LRP1B: variants seen among roughly 807,000 people sequenced by gnomAD.
The protein encoded by LRP1B is LDL receptor related protein 1B, also known as low-density lipoprotein receptor-related protein 1B.
In LRP1B, 217 loss-of-function variants were observed where a neutral mutation model predicts 556.6. The ratio of observed to expected loss-of-function variants is 0.39; its 90% CI spans 0.35 to 0.44. The LOEUF is 0.44. LRP1B is among the 20% of genes least tolerant of loss of function. The probability of loss-of-function intolerance (pLI) is 1.00; values close to 1 mark genes in which losing one functional copy is unlikely to be tolerated. For missense variants in LRP1B, 5,053 were observed against 5,620.8 expected (o/e 0.90, Z 3.23); for synonymous variants, 2,047 against 1,865.8 (o/e 1.10, Z -2.50).
intron 2 of LRP1B, among the ~76,000 whole-genome samples, chr2:141,687,870 T>C (rs1691368545): frequency 6.6e-6 from 1 of 151,436 alleles, no homozygotes; most frequent in South Asian, 2.1e-4. Context: ...AAAGCATAGT[T>C]AGTAAATGAT....
chr2:141,874,923 A>G (rs1327000322), intron 1 of LRP1B, among the ~76,000 whole-genome samples: 1 of 151,910 alleles, frequency 6.6e-6, no homozygotes, highest in Non-Finnish European at 1.5e-5. Context: ...AAAGGCAAGT[A>G]AAAATTTAAT....
chr2:140,652,644 A>G (rs1476334510), intron 41 of LRP1B, among the ~76,000 whole-genome samples: 2 of 152,078 alleles, frequency 1.3e-5, no homozygotes, highest in Non-Finnish European at 2.9e-5. Flanking sequence ...GACAAAGATT[A>G]GAAAAGAAAA....
intron 2 of LRP1B, among the ~76,000 whole-genome samples, chr2:141,483,041 T>C (rs11890703): frequency 0.9 from 134,284 of 149,358 alleles, 61,155 homozygotes; most frequent in East Asian, 1. Context: ...TATACATGTG[T>C]CATGTTGGTG....
At chr2:141,874,084 ATTTTTTTTTTTTTTTTT>A (rs200281267) in intron 1 of LRP1B, among the ~76,000 whole-genome samples, 24,819 of 104,192 alleles carry the variant, frequency 0.24, 2,804 homozygotes, top group East Asian at 0.43. Flanking sequence ...TGAACTAACA[ATTTTTTTTTTTTTTTTT>A]TTTTTTTTTT....
intron 1 of LRP1B, among the ~76,000 whole-genome samples, chr2:141,964,381 TG>T (rs1701495067): frequency 6.8e-6 from 1 of 147,050 alleles, no homozygotes; most frequent in Non-Finnish European, 1.5e-5. Flanking sequence ...AGCATGGTAC[TG>T]GTACCAAAAC....
At chr2:141,076,207 G>A (rs1304571961) in intron 7 of LRP1B, among the ~76,000 whole-genome samples, 8 of 152,134 alleles carry the variant, frequency 5.3e-5, no homozygotes, top group South Asian at 4.1e-4. Context: ...AATGAAGCTG[G>A]TGAAGGGAAA....
rs150233723 is a variant in LRP1B at position 141,526,425 on chromosome 2, C to T, written c.206-45892G>A. On this transcript the variant is annotated intron_variant, in intron 2 of 90. Coordinates refer to ENST00000389484, the MANE Select transcript of LRP1B (RefSeq NM_018557.3). ...TTGGAAACTTTTTCAAATTCTTGAC[C>T]GATAAATGTTGATTGTCAGTGAAGC... is the stretch of plus-strand genomic sequence containing the variant. Among the ~76,000 whole-genome samples, 669 of 152,052 alleles carry T rather than the reference C, an allele frequency of 4.4e-3. 8 individuals are homozygous for T. The highest frequency in any genetic ancestry group is 0.014 in the African/African-American group (593 of 41,508).
intron 50 of LRP1B, among the ~76,000 whole-genome samples, chr2:140,515,618 G>C (rs1026186354): frequency 1.3e-5 from 2 of 151,960 alleles, no homozygotes; most frequent in Non-Finnish European, 2.9e-5. Context: ...CATTTAAAAT[G>C]CTTAATTAGA....
chr2:140,510,179 G>T, intron 51 of LRP1B, 123 bp from the exon 52 acceptor site: 1 of 943,208 alleles, frequency 1.1e-6, no homozygotes, highest in Non-Finnish European at 1.6e-6. Flanking sequence ...GGCGATTGTA[G>T]TTATTGGGAA....
At chr2:141,298,603 A>G (rs1330366557) in intron 3 of LRP1B, among the ~76,000 whole-genome samples, 1 of 152,152 alleles carries the variant, frequency 6.6e-6, no homozygotes, top group Non-Finnish European at 1.5e-5. Flanking sequence ...GCCCTCCCAG[A>G]CATTCCTGTG....
chr2:141,466,641 C>A (rs1011273022), intron 3 of LRP1B, among the ~76,000 whole-genome samples: 1 of 152,034 alleles, frequency 6.6e-6, no homozygotes, highest in Middle Eastern at 3.4e-3. Flanking sequence ...TTCTTCCTTC[C>A]TCCTGGAATG....
chr2:141,108,225 GA>G (rs1379125861), intron 7 of LRP1B, among the ~76,000 whole-genome samples: 1 of 148,888 alleles, frequency 6.7e-6, no homozygotes, highest in Non-Finnish European at 1.5e-5. Flanking sequence ...CAACAATCCA[GA>G]ATCTCCAATA....
intron 6 of LRP1B, among the ~76,000 whole-genome samples, chr2:141,228,909 A>G (rs1364497108): frequency 2.4e-4 from 37 of 152,148 alleles, no homozygotes. Context: ...GTGGAATAAA[A>G]AAATCAATTC....
chr2:140,274,495 C>A lies in LRP1B; in HGVS notation c.13071G>T (p.Glu4357Asp), dbSNP rs976500100. ...CATGGCACCTTACACACTTGTCAAC[C>A]TCACATTTTGGTCCTTCATAGCGCG... ...CPTRYEGPKC[E>D]VDKCVRCHGG... Residue 4357 changes from glutamate to aspartate, a missense_variant, in exon 85 of 91, where the codon GAG becomes GAT. Around this residue, in one of 5 missense-constraint regions of LRP1B, gnomAD observed 551 missense variants for 592.0 expected, o/e 0.93. Transcript: ENST00000389484. 2 of 1,612,702 alleles carry A rather than the reference C, an allele frequency of 1.2e-6. No individual in the cohort carries two copies. The highest frequency in any genetic ancestry group is 2.2e-5 in the South Asian group (2 of 91,066).
chr2:141,182,818 C>CG (rs981766652), intron 7 of LRP1B, among the ~76,000 whole-genome samples: 6 of 150,668 alleles, frequency 4.0e-5, no homozygotes, highest in African/African-American at 7.3e-5. Context: ...ACTTTTGTTA[C>CG]GGGGGGGAGT....
chr2:141,138,939 A>G (rs1701560173), intron 7 of LRP1B, among the ~76,000 whole-genome samples: 2 of 152,008 alleles, frequency 1.3e-5, no homozygotes, highest in Admixed American at 6.6e-5. Context: ...AATTGGATAG[A>G]TAAGAGTGCC....
At chr2:141,616,641 A>T (rs1470673110) in intron 2 of LRP1B, among the ~76,000 whole-genome samples, 2 of 152,238 alleles carry the variant, frequency 1.3e-5, no homozygotes, top group African/African-American at 2.4e-5. Context: ...ATTTATTTAC[A>T]TTCCTCAGAT....
At chr2:141,156,868 A>T (rs1702080694) in intron 7 of LRP1B, among the ~76,000 whole-genome samples, 1 of 152,156 alleles carries the variant, frequency 6.6e-6, no homozygotes, top group African/African-American at 2.4e-5. Context: ...AAGCAGAGTC[A>T]CAATGAATTA....
intron 3 of LRP1B, among the ~76,000 whole-genome samples, chr2:141,302,832 C>A (rs1348640006): frequency 6.6e-6 from 1 of 152,024 alleles, no homozygotes; most frequent in African/African-American, 2.4e-5. Context: ...GTACTTCAGA[C>A]AAAATAGCTT....
Sources: gnomAD v4.1 joint callset for allele counts (sites outside exome capture counted in the v4.1 genomes callset) on GRCh38, gnomAD v4.1.1 for gene constraint, gnomAD v4.1.1 regional missense constraint, MANE v1.5 for transcripts, NCBI Gene and HGNC (gene_info 2026-07-23, HGNC 2026-07-21) for gene names.